KCNK12: variants seen among roughly 807,000 people sequenced by gnomAD.
The protein encoded by KCNK12 is potassium channel subfamily K member 12.
Under a neutral mutation model 25.3 loss-of-function variants are expected in KCNK12, and 6 were observed. The observed-to-expected ratio is 0.24, with a 90% confidence interval of 0.13 to 0.47. The LOEUF (loss-of-function observed/expected upper bound fraction) is 0.47, where lower values mean the gene tolerates loss of function less well. Ranked by LOEUF, KCNK12 falls within the 20% of genes least tolerant of loss-of-function variation. The pLI, the probability that KCNK12 is intolerant of heterozygous loss-of-function variation, is 0.99. For synonymous variants in KCNK12, 331 were observed against 311.1 expected, an observed-to-expected ratio of 1.06 and a Z score of -0.67; for missense variants, 444 against 661.7, an observed-to-expected ratio of 0.67 and a Z score of 3.61.
chr2:47,522,596 C>T (rs540440863), intron 1 of KCNK12, among the ~76,000 whole-genome samples: 7 of 152,340 alleles, frequency 4.6e-5, no homozygotes, highest in Admixed American at 1.3e-4. Flanking sequence ...CCACCTCAGC[C>T]TCCCAAGTGA....
Position 47,516,257 on chromosome 2 carries a change from T to C in KCNK12, c.*4650A>G, listed in dbSNP as rs1239747049. Among the ~76,000 whole-genome samples, 2 of 152,186 alleles carry C rather than the reference T, an allele frequency of 1.3e-5. No individual in the cohort carries two copies. Among genetic ancestry groups the C allele is most frequent in the Non-Finnish European group, 2.9e-5 (2 of 68,022 alleles). ...TCCAGGACTGGCCTGAGTTGCTCCT[T>C]AGACCAATGAAATCAGACTCCTGGG... is the stretch of plus-strand genomic sequence containing the variant. On this transcript the variant is annotated 3_prime_UTR_variant, in exon 2 of 2. Transcript: ENST00000327876.
At position 47,519,732 on chromosome 2, in the gene KCNK12, C is replaced by T. The variant is rs1381476444; in HGVS notation, c.*1175G>A. 6.6e-6 allele frequency: 1 copy of T among 152,242 alleles called. No homozygotes were observed. Among genetic ancestry groups the T allele is most frequent in the Non-Finnish European group, 1.5e-5 (1 of 68,046 alleles). 9.4% of individuals were successfully genotyped at this position (152,242 alleles called of 1,614,324 possible). On this transcript the variant is annotated 3_prime_UTR_variant, in exon 2 of 2. Transcript: ENST00000327876. ...TAGGCTGTGCATGGAGAAGACAAATCCTCTTGATAAACAATATTTAGAAAG... is the reference window on the plus strand; with the variant it reads ...TAGGCTGTGCATGGAGAAGACAAATTCTCTTGATAAACAATATTTAGAAAG...
chr2:47,565,707 G>T lies in KCNK12; in HGVS notation c.391+4234C>A, dbSNP rs1464500048. The T allele has an allele frequency of 1.3e-5, 2 of 152,232 alleles. No individual in the cohort carries two copies. Among genetic ancestry groups the T allele is most frequent in the African/African-American group, 4.8e-5 (2 of 41,460 alleles). 9.4% of individuals were successfully genotyped at this position (152,232 alleles called of 1,614,324 possible). Reference sequence around the variant, plus strand: ...CCATTTAATCTTTTCAAAGTTAACTGATAAACATCCTTTAGGATGTGAAGT... The same window carrying T: ...CCATTTAATCTTTTCAAAGTTAACTTATAAACATCCTTTAGGATGTGAAGT... On this transcript the variant is annotated intron_variant, in intron 1 of 1. Coordinates refer to ENST00000327876, the MANE Select transcript of KCNK12 (RefSeq NM_022055.2). The surrounding 1 kb of genome is among the most constrained non-coding windows in gnomAD (Gnocchi z 5.0).
In KCNK12 at chr2:47,512,420, G is replaced by A. The variant is rs1247535400; in HGVS notation, c.*8487C>T. ...GCCAGAGAGACAGAACCAGGGCAGTGGTGAGCTCTCATGACCTGGTGTCTG... is the reference window on the plus strand; with the variant it reads ...GCCAGAGAGACAGAACCAGGGCAGTAGTGAGCTCTCATGACCTGGTGTCTG... On this transcript the variant is annotated 3_prime_UTR_variant, in exon 2 of 2. Transcript: ENST00000327876. The A allele has an allele frequency of 6.2e-7, 1 of 1,608,724 alleles. No individual in the cohort carries two copies. Among genetic ancestry groups the A allele is most frequent in the Non-Finnish European group, 8.5e-7 (1 of 1,178,078 alleles).
intron 1 of KCNK12, among the ~76,000 whole-genome samples, chr2:47,559,708 A>T (rs149222991): frequency 2.0e-5 from 3 of 152,340 alleles, no homozygotes; most frequent in African/African-American, 7.2e-5. Flanking sequence ...CTTTAGACAC[A>T]TCTTAACCCA....
rs1669113395 is a variant in KCNK12, at chr2:47,538,038, C to T, written c.392-16230G>A. Among the ~76,000 whole-genome samples, 1 of 151,992 alleles carries T rather than the reference C, an allele frequency of 6.6e-6. No individual in the cohort carries two copies. The highest frequency in any genetic ancestry group is 1.5e-5 in the Non-Finnish European group (1 of 68,008). ...GCACGTGTGGTATGAGAATGAAGGC[C>T]CCTGAGGAACTTCAGTATCTAAAGG... On this transcript the variant is annotated intron_variant, in intron 1 of 1. Transcript: ENST00000327876. This position sits in a 1 kb window ranked among gnomAD's most constrained non-coding sequence, Gnocchi z 4.5.
At position 47,529,866 on chromosome 2, in the gene KCNK12, A is replaced by T. The variant is rs1159455839; in HGVS notation, c.392-8058T>A. Among the ~76,000 whole-genome samples, 1 of 152,246 alleles carries T rather than the reference A, an allele frequency of 6.6e-6. No homozygotes were observed. Among genetic ancestry groups the T allele is most frequent in the African/African-American group, 2.4e-5 (1 of 41,462 alleles). On this transcript the variant is annotated intron_variant, in intron 1 of 1. Coordinates refer to ENST00000327876, the MANE Select transcript of KCNK12 (RefSeq NM_022055.2). This position sits in a 1 kb window ranked among gnomAD's most constrained non-coding sequence, Gnocchi z 4.3. The stretch of plus-strand genomic sequence containing the variant: ...GTAAACAAGAAATCATTTTTTAAGT[A>T]TAAGTATGTCCCAAATATTGCATAG...
At chr2:47,522,130 A>G (rs1251865961) in intron 1 of KCNK12, among the ~76,000 whole-genome samples, 1 of 152,242 alleles carries the variant, frequency 6.6e-6, no homozygotes, top group East Asian at 1.9e-4. Context: ...ACTGCTGCAC[A>G]GGTGCAAACC....
At chr2:47,531,187 GT>G (rs1274911910) in intron 1 of KCNK12, among the ~76,000 whole-genome samples, 2 of 152,148 alleles carry the variant, frequency 1.3e-5, no homozygotes, top group African/African-American at 4.8e-5. Context: ...TAACAACTGG[GT>G]GGGGCCGGGC....
chr2:47,540,800 A>C lies in KCNK12; in HGVS notation c.392-18992T>G, dbSNP rs574667101. Reference sequence around the variant, plus strand: ...ACAAACAAACAAACAAACAAACAAAAGCAAGCTGGGCATGGTGGCTCACAC... The same window carrying C: ...ACAAACAAACAAACAAACAAACAAACGCAAGCTGGGCATGGTGGCTCACAC... On this transcript the variant is annotated intron_variant, in intron 1 of 1. Coordinates refer to ENST00000327876, the MANE Select transcript of KCNK12 (RefSeq NM_022055.2). This position sits in a 1 kb window ranked among gnomAD's most constrained non-coding sequence, Gnocchi z 5.4. Among the ~76,000 whole-genome samples, 4 of 111,900 alleles carry C rather than the reference A, an allele frequency of 3.6e-5. No homozygotes were observed. Among genetic ancestry groups the C allele is most frequent in the African/African-American group, 1.8e-4 (4 of 22,160 alleles). 73.4% of individuals were successfully genotyped at this position (111,900 alleles called of 152,430 possible).
At position 47,520,581 on chromosome 2, in the gene KCNK12, G is replaced by T; in HGVS notation, c.*326C>A. The T allele has an allele frequency of 4.0e-6, 1 of 249,552 alleles. No homozygotes were observed. The allele number at this position is 249,552 out of a possible 1,614,324, so 15.5% of individuals were successfully genotyped here. ...GTTGCCGGCTGCTTCTGTGCATGGG[G>T]ACGGGGTTTAGTGCCAGTCTGCAAA... On this transcript the variant is annotated 3_prime_UTR_variant, in exon 2 of 2. Coordinates refer to ENST00000327876, the MANE Select transcript of KCNK12 (RefSeq NM_022055.2). The surrounding 1 kb of genome is among the most constrained non-coding windows in gnomAD (Gnocchi z 5.0).
At position 47,521,186 on chromosome 2, in the gene KCNK12, G is replaced by A. The variant is rs778347918; in HGVS notation, c.1014C>T (p.Gly338=). ...CGGCCAGGCGGCGGCGCAGCCGGGA[G>A]CCTGGGGTGATGGCATTGCGCCGGG... ...PLARRNAITP[G]SRLRRRLAAL... Residue 338 remains glycine (G), a synonymous_variant, in exon 2 of 2, where the codon GGC becomes GGT. Coordinates refer to ENST00000327876, the MANE Select transcript of KCNK12 (RefSeq NM_022055.2). 1 of 1,465,056 alleles carries A rather than the reference G, an allele frequency of 6.8e-7. No homozygotes were observed. Among genetic ancestry groups the A allele is most frequent in the Non-Finnish European group, 9.0e-7 (1 of 1,111,558 alleles). 90.8% of individuals were successfully genotyped at this position (1,465,056 alleles called of 1,614,324 possible).
intron 1 of KCNK12, chr2:47,543,251 C>T (rs1208266956): frequency 2.0e-5 from 3 of 151,748 alleles, no homozygotes; most frequent in Non-Finnish European, 4.4e-5. Flanking sequence ...CAAGCACAGA[C>T]ACCTACATTT....
Position 47,567,445 on chromosome 2 carries a change from G to A in KCNK12, c.391+2496C>T, listed in dbSNP as rs1201407526. 2.6e-5 allele frequency among the ~76,000 whole-genome samples: 4 copies of A among 152,206 alleles called. No individual in the cohort carries two copies. The East Asian group carries it at 7.7e-4, about 29-fold the overall frequency. ...AGAGAAAGGAACTATGTAAGCAGAA[G>A]AGAAACTGACCTGTGGAGATCTTTA... is the stretch of plus-strand genomic sequence containing the variant. On this transcript the variant is annotated intron_variant, in intron 1 of 1. Coordinates refer to ENST00000327876, the MANE Select transcript of KCNK12 (RefSeq NM_022055.2).
chr2:47,521,127 T>C lies in KCNK12; in HGVS notation c.1073A>G (p.Asp358Gly). Residue 358 changes from aspartate (D) to glycine (G), a missense_variant, in exon 2 of 2, where the codon GAC becomes GGC. This residue lies in a region of KCNK12 where 69 missense variants were observed against 81.7 expected (regional missense o/e 0.84). Coordinates refer to ENST00000327876, the MANE Select transcript of KCNK12 (RefSeq NM_022055.2). Reference protein sequence around the residue: ...LGADPAARDSDAEGRRLSGEL... With the variant: ...LGADPAARDSGAEGRRLSGEL... ...GCCCGAGAGGCGGCGGCCCTCGGCGTCGCTGTCGCGGGCCGCGGGGTCGGC... is the reference window on the plus strand; with the variant it reads ...GCCCGAGAGGCGGCGGCCCTCGGCGCCGCTGTCGCGGGCCGCGGGGTCGGC... 1 of 1,273,648 alleles carries C rather than the reference T, an allele frequency of 7.9e-7. No homozygotes were observed. Among genetic ancestry groups the C allele is most frequent in the Non-Finnish European group, 9.9e-7 (1 of 1,011,142 alleles). The allele number at this position is 1,273,648 out of a possible 1,614,324, so 78.9% of individuals were successfully genotyped here. A position where few individuals can be genotyped will look rare whatever the true frequency, so the allele number is the denominator to read the frequency against.
chr2:47,510,626 G>A lies in KCNK12; in HGVS notation c.*10281C>T, dbSNP rs898555263. ...TCAGCTATGAATATGACCAACTCTC[G>A]TCGTTTATCTCTATTCAGTGGAACA... On this transcript the variant is annotated 3_prime_UTR_variant, in exon 2 of 2. Coordinates refer to ENST00000327876, the MANE Select transcript of KCNK12 (RefSeq NM_022055.2). Among the ~76,000 whole-genome samples the A allele has an allele frequency of 2.6e-5, 4 of 152,218 alleles. No individual in the cohort carries two copies. Among genetic ancestry groups the A allele is most frequent in the East Asian group, 3.9e-4 (2 of 5,180 alleles).
rs1668524289 is a variant in KCNK12, at chr2:47,516,337, C to T, written c.*4570G>A. On this transcript the variant is annotated 3_prime_UTR_variant, in exon 2 of 2. Transcript: ENST00000327876. ...AGCTCCATTTGGAGAGCCTCGGGCA[C>T]AGCCAGGTTGGATCCATCTCCCAGT... 6.6e-6 allele frequency among the ~76,000 whole-genome samples: 1 copy of T among 152,196 alleles called. No homozygotes were observed. The highest frequency in any genetic ancestry group is 2.1e-4 in the South Asian group (1 of 4,826).
In KCNK12 at chr2:47,540,167, G is replaced by A. The variant is rs1195125886; in HGVS notation, c.392-18359C>T. Reference sequence around the variant, plus strand: ...CTTATCAAGGTTAGGCCTCCACAAAGGGTGGAGCAGGGAAGAGAAGGCCTC... The same window carrying A: ...CTTATCAAGGTTAGGCCTCCACAAAAGGTGGAGCAGGGAAGAGAAGGCCTC... On this transcript the variant is annotated intron_variant, in intron 1 of 1. Coordinates refer to ENST00000327876, the MANE Select transcript of KCNK12 (RefSeq NM_022055.2). This position sits in a 1 kb window ranked among gnomAD's most constrained non-coding sequence, Gnocchi z 5.4. Among the ~76,000 whole-genome samples the A allele has an allele frequency of 3.3e-5, 5 of 152,204 alleles. No individual in the cohort carries two copies. Among genetic ancestry groups the A allele is most frequent in the Admixed American group, 3.3e-4 (5 of 15,278 alleles).
intron 1 of KCNK12, among the ~76,000 whole-genome samples, chr2:47,537,263 T>A (rs1342365941): frequency 2.0e-5 from 3 of 152,276 alleles, no homozygotes; most frequent in African/African-American, 7.2e-5. Context: ...TATATGTGCA[T>A]GTGTGCACAC....
Sources: gnomAD v4.1 joint callset for allele counts (sites outside exome capture counted in the v4.1 genomes callset) on GRCh38, gnomAD v4.1.1 for gene constraint, gnomAD v4.1.1 regional missense constraint, Gnocchi (gnomAD v3.1) non-coding constraint, MANE v1.5 for transcripts, NCBI Gene and HGNC (gene_info 2026-07-23, HGNC 2026-07-21) for gene names.